CTXND2: variants seen among roughly 807,000 people sequenced by gnomAD.
CTXND2 encodes cortexin domain containing 2.
intron 1 of CTXND2, among the ~76,000 whole-genome samples, chr1:150,888,219 A>ATT (rs35992777): frequency 9.3e-5 from 7 of 75,148 alleles, no homozygotes; most frequent in South Asian, 8.0e-4. Flanking sequence ...TACCTAATTT[A>ATT]TTTTTTTTTT....
chr1:150,891,302 C>T (rs1668847087), intron 1 of CTXND2, among the ~76,000 whole-genome samples: 1 of 152,084 alleles, frequency 6.6e-6, no homozygotes, highest in Admixed American at 6.6e-5. Flanking sequence ...CAACCTCCGC[C>T]TCTTGGGTTC....
chr1:150,895,723 T>C (rs587696069), intron 1 of CTXND2, among the ~76,000 whole-genome samples: 35 of 152,332 alleles, frequency 2.3e-4, no homozygotes, highest in Middle Eastern at 6.8e-3. Flanking sequence ...AAATATTCCC[T>C]CTTCCACCCT....
At chr1:150,887,139 C>A in exon 1 of CTXND2, 1 of 152,246 alleles carries the variant, frequency 6.6e-6, no homozygotes, top group East Asian at 1.9e-4. Context: ...TTCAATTGAA[C>A]TATTCATGAA....
At chr1:150,902,036 C>T (rs1669047335) in intron 1 of CTXND2, among the ~76,000 whole-genome samples, 1 of 152,120 alleles carries the variant, frequency 6.6e-6, no homozygotes, top group African/African-American at 2.4e-5. Context: ...GAGGCCGAGG[C>T]AGGCGGATTA....
chr1:150,897,760 T>C (rs898845825), intron 1 of CTXND2, among the ~76,000 whole-genome samples: 1 of 152,192 alleles, frequency 6.6e-6, no homozygotes, highest in Non-Finnish European at 1.5e-5. Context: ...ATAAATAATA[T>C]ATATATACAC....
chr1:150,907,698 T>TATG (rs1274161090), intron 1 of CTXND2, among the ~76,000 whole-genome samples: 3 of 147,134 alleles, frequency 2.0e-5, no homozygotes, highest in African/African-American at 7.5e-5. Flanking sequence ...CTGCGTCATA[T>TATG]GGTGGCTTTT....
intron 1 of CTXND2, among the ~76,000 whole-genome samples, chr1:150,909,110 C>T (rs1669203243): frequency 6.6e-6 from 1 of 150,382 alleles, no homozygotes; most frequent in African/African-American, 2.4e-5. Context: ...ATGGTGGGGG[C>T]GCCTATAATC....
intron 1 of CTXND2, among the ~76,000 whole-genome samples, chr1:150,889,676 G>C (rs1281342747): frequency 6.6e-6 from 1 of 151,966 alleles, no homozygotes; most frequent in Non-Finnish European, 1.5e-5. Flanking sequence ...GTGTGTGTTA[G>C]CTCCAATACT....
chr1:150,890,859 T>G (rs1008636770), intron 1 of CTXND2, among the ~76,000 whole-genome samples: 1 of 152,296 alleles, frequency 6.6e-6, no homozygotes, highest in South Asian at 2.1e-4. Context: ...CAATATTAAA[T>G]TAAGCATCAT....
At chr1:150,903,529 G>A (rs1468736307) in intron 1 of CTXND2, among the ~76,000 whole-genome samples, 3 of 152,096 alleles carry the variant, frequency 2.0e-5, no homozygotes, top group Admixed American at 6.6e-5. Context: ...GCCAGACATG[G>A]TGGCTCACGC....
intron 1 of CTXND2, among the ~76,000 whole-genome samples, chr1:150,911,870 A>G (rs1188022425): frequency 2.0e-5 from 3 of 152,244 alleles, no homozygotes; most frequent in African/African-American, 7.2e-5. Flanking sequence ...TGAGTTATAC[A>G]ACAACTAGGT....
chr1:150,891,019 T>C (rs1286032334), intron 1 of CTXND2, among the ~76,000 whole-genome samples: 1 of 152,128 alleles, frequency 6.6e-6, no homozygotes, highest in Non-Finnish European at 1.5e-5. Context: ...TCGATGAAGG[T>C]TGTACTGTTC....
intron 1 of CTXND2, among the ~76,000 whole-genome samples, chr1:150,907,106 G>T (rs587662617): frequency 6.6e-6 from 1 of 152,276 alleles, no homozygotes; most frequent in South Asian, 2.1e-4. Flanking sequence ...AAAGGGAGAA[G>T]AGCTAATAGA....
intron 1 of CTXND2, among the ~76,000 whole-genome samples, chr1:150,890,270 T>A (rs1446155041): frequency 6.6e-6 from 1 of 152,130 alleles, no homozygotes; most frequent in African/African-American, 2.4e-5. Flanking sequence ...GGAAAAGATA[T>A]GTGTTGCCTT....
intron 1 of CTXND2, among the ~76,000 whole-genome samples, chr1:150,905,137 CCAATT>C (rs1332034745): frequency 8.9e-5 from 13 of 146,112 alleles, no homozygotes; most frequent in Admixed American, 7.5e-4. Flanking sequence ...GCAGAATCTG[CCAATT>C]CTTTTTTTTT....
chr1:150,903,783 A>G (rs1244130733), intron 1 of CTXND2: 1 of 385,670 alleles, frequency 2.6e-6, no homozygotes, highest in Non-Finnish European at 5.0e-6. Flanking sequence ...CCTGAGCGAC[A>G]GTGTGAAACT....
At chr1:150,913,220 C>T (rs1431513765) in exon 2 of CTXND2, 1 of 152,138 alleles carries the variant, frequency 6.6e-6, no homozygotes, top group South Asian at 2.1e-4. Context: ...CCAGTATGGT[C>T]TTACTAACAC....
chr1:150,901,286 A>G (rs1340993189), intron 1 of CTXND2, among the ~76,000 whole-genome samples: 1 of 152,376 alleles, frequency 6.6e-6, no homozygotes, highest in Admixed American at 6.5e-5. Flanking sequence ...TTCACGGATC[A>G]GAAGACTTAA....
intron 1 of CTXND2, among the ~76,000 whole-genome samples, chr1:150,888,221 T>TA (rs933592974): frequency 2.0e-5 from 3 of 149,468 alleles, no homozygotes; most frequent in South Asian, 2.1e-4. Flanking sequence ...CCTAATTTAT[T>TA]TTTTTTTTTT....
Sources: gnomAD v4.1 joint callset for allele counts (sites outside exome capture counted in the v4.1 genomes callset) on GRCh38, gnomAD v4.1.1 for gene constraint, MANE v1.5 for transcripts, NCBI Gene and HGNC (gene_info 2026-07-23, HGNC 2026-07-21) for gene names.